CDC42BPB: variants seen among roughly 807,000 people sequenced by gnomAD.
CDC42BPB encodes CDC42 binding protein kinase beta, also known as serine/threonine-protein kinase MRCK beta.
In CDC42BPB, 37 loss-of-function variants were observed where a neutral mutation model predicts 214.9. The ratio of observed to expected loss-of-function variants is 0.17; its 90% CI spans 0.13 to 0.23. The LOEUF (loss-of-function observed/expected upper bound fraction) is 0.23, where lower values mean the gene tolerates loss of function less well. Ranked by LOEUF, CDC42BPB falls within the 10% of genes least tolerant of loss-of-function variation. CDC42BPB has a pLI of 1.00. For synonymous variants in CDC42BPB, 931 were observed against 884.0 expected, an observed-to-expected ratio of 1.05 and a Z score of -0.94; for missense variants, 1,694 against 2,227.0, an observed-to-expected ratio of 0.76 and a Z score of 4.82.
At chr14:102,934,993 T>C (rs1891582090) in intron 36 of CDC42BPB, among the ~76,000 whole-genome samples, 1 of 142,964 alleles carries the variant, frequency 7.0e-6, no homozygotes, top group African/African-American at 2.6e-5. Context: ...CTGGGCTACA[T>C]GTAGAGTGAG....
chr14:102,953,315 C>A (rs1402612206), intron 23 of CDC42BPB, among the ~76,000 whole-genome samples: 1 of 152,238 alleles, frequency 6.6e-6, no homozygotes, highest in Non-Finnish European at 1.5e-5. Flanking sequence ...GGCAGGGAGG[C>A]CGTGGGGCGG....
intron 12 of CDC42BPB, among the ~76,000 whole-genome samples, chr14:102,973,039 G>C (rs1156690877): frequency 6.6e-6 from 1 of 152,168 alleles, no homozygotes; most frequent in South Asian, 2.1e-4. Context: ...TGACCTCCCT[G>C]CAGCCAATCT....
chr14:103,006,403 G>A (rs752109499), intron 3 of CDC42BPB, among the ~76,000 whole-genome samples: 4 of 152,244 alleles, frequency 2.6e-5, no homozygotes, highest in Non-Finnish European at 5.9e-5. Flanking sequence ...GCTGCCCAGA[G>A]CATTTAGGAA....
In CDC42BPB at chr14:102,944,619, C is replaced by T; in HGVS notation, c.3812-132G>A. On this transcript the variant is annotated intron_variant, in intron 29 of 36. Transcript: ENST00000361246. This position sits in a 1 kb window ranked among gnomAD's most constrained non-coding sequence, Gnocchi z 6.6. ...TGGGCTCCCTTCCTGTGTGCACAGC[C>T]TGAGCCCGGCCCTGAGCCCGTCTCT... The T allele has an allele frequency of 6.9e-7, 1 of 1,457,476 alleles. No individual in the cohort carries two copies. Among genetic ancestry groups the T allele is most frequent in the South Asian group, 1.5e-5 (1 of 67,092 alleles). 90.3% of individuals were successfully genotyped at this position (1,457,476 alleles called of 1,614,324 possible).
Position 102,972,232 on chromosome 14 carries a change from C to T in CDC42BPB, c.1642-71G>A, listed in dbSNP as rs1595480959. ...CTTGGAAGGCTGGAGGTTCGGTCTT[C>T]CATGATATTGAGGAGTTAAAAGCGA... On this transcript the variant is annotated intron_variant, in intron 12 of 36. Transcript: ENST00000361246. 3 of 1,580,572 alleles carry T rather than the reference C, an allele frequency of 1.9e-6. No individual in the cohort carries two copies. In the East Asian group the frequency reaches 6.7e-5, roughly 35 times the overall value.
chr14:102,998,489 G>A (rs1894839382), intron 5 of CDC42BPB, among the ~76,000 whole-genome samples: 1 of 152,182 alleles, frequency 6.6e-6, no homozygotes, highest in African/African-American at 2.4e-5. Flanking sequence ...AAAAATACAA[G>A]TAAAACTAGT....
intron 1 of CDC42BPB, among the ~76,000 whole-genome samples, chr14:103,045,092 A>G (rs1394123062): frequency 1.3e-5 from 2 of 151,942 alleles, no homozygotes; most frequent in African/African-American, 2.4e-5. Flanking sequence ...TCGGCTCACC[A>G]GTTTTTTAAA....
At chr14:102,951,209 C>G (rs1566851484) in intron 24 of CDC42BPB, among the ~76,000 whole-genome samples, 1 of 152,160 alleles carries the variant, frequency 6.6e-6, no homozygotes. Flanking sequence ...CAATTCAGGC[C>G]AGCGGTCATG....
intron 2 of CDC42BPB, among the ~76,000 whole-genome samples, chr14:103,010,909 G>A (rs1297438308): frequency 6.6e-6 from 1 of 152,148 alleles, no homozygotes; most frequent in African/African-American, 2.4e-5. Flanking sequence ...GGGCACCTGT[G>A]GTCCCAGCTA....
chr14:102,963,228 G>A, intron 19 of CDC42BPB, 73 bp from the exon 20 acceptor site: 1 of 1,529,282 alleles, frequency 6.5e-7, no homozygotes, highest in Non-Finnish European at 8.7e-7. Context: ...GGCAGGTCAG[G>A]ATGAGAGAGC....
chr14:103,033,203 C>A (rs911891666), intron 1 of CDC42BPB, among the ~76,000 whole-genome samples: 1 of 151,852 alleles, frequency 6.6e-6, no homozygotes, highest in African/African-American at 2.4e-5. Context: ...ATATGCTCTA[C>A]CTCTTTTTGT....
chr14:102,971,527 C>T (rs912379337), intron 13 of CDC42BPB, among the ~76,000 whole-genome samples: 24 of 152,186 alleles, frequency 1.6e-4, no homozygotes, highest in East Asian at 3.9e-4. Context: ...CTAAACTCAA[C>T]GATCCATCTA....
At position 102,943,772 on chromosome 14, in the gene CDC42BPB, G is replaced by C. The variant is rs1440381377; in HGVS notation, c.4408+119C>G. ...GGCTGGCATGGGGCCCACCTCTCCC[G>C]ATGCTCTGTGACTACTCAACTAAGG... On this transcript the variant is annotated intron_variant, in intron 30 of 36. Coordinates refer to ENST00000361246, the MANE Select transcript of CDC42BPB (RefSeq NM_006035.4). The surrounding 1 kb of genome is among the most constrained non-coding windows in gnomAD (Gnocchi z 4.6). 7 of 876,648 alleles carry C rather than the reference G, an allele frequency of 8.0e-6. No individual in the cohort carries two copies. In the South Asian group the frequency reaches 1.2e-4, roughly 15 times the overall value. The allele number at this position is 876,648 out of a possible 1,614,324, so 54.3% of individuals were successfully genotyped here.
Position 102,980,780 on chromosome 14 carries a change from C to T in CDC42BPB, c.1133G>A (p.Arg378Lys). 1 of 1,614,066 alleles carries T rather than the reference C, an allele frequency of 6.2e-7. No individual in the cohort carries two copies. Among genetic ancestry groups the T allele is most frequent in the Non-Finnish European group, 8.5e-7 (1 of 1,179,924 alleles). Reference protein sequence around the residue: ...SNFDVDDDVLRNTEILPPGSH... With the variant: ...SNFDVDDDVLKNTEILPPGSH... ...CGGTGCTTTCACACTCACCGTGTTTCTCAGCACGTCGTCATCCACGTCGAA... is the reference window on the plus strand; with the variant it reads ...CGGTGCTTTCACACTCACCGTGTTTTTCAGCACGTCGTCATCCACGTCGAA... Residue 378 changes from arginine (R) to lysine (K), a missense_variant, in exon 8 of 37, where the codon AGA becomes AAA. Physicochemically the swap from Arg to Lys is conservative, Grantham distance 26 (BLOSUM62 2). This residue lies in a region of CDC42BPB where 225 missense variants were observed against 459.3 expected (regional missense o/e 0.49). Transcript: ENST00000361246.
chr14:103,033,236 T>C (rs1036363115), intron 1 of CDC42BPB, among the ~76,000 whole-genome samples: 2 of 152,116 alleles, frequency 1.3e-5, no homozygotes, highest in Non-Finnish European at 2.9e-5. Flanking sequence ...TTTTTGTTTG[T>C]TTTGAGACGG....
intron 1 of CDC42BPB, among the ~76,000 whole-genome samples, chr14:103,052,928 G>A (rs1403160161): frequency 6.6e-6 from 1 of 152,226 alleles, no homozygotes; most frequent in Non-Finnish European, 1.5e-5. Context: ...ATATGACAAA[G>A]ATGAAAGACA....
chr14:103,009,120 C>G (rs985275452), intron 2 of CDC42BPB, among the ~76,000 whole-genome samples: 1 of 152,232 alleles, frequency 6.6e-6, no homozygotes, highest in African/African-American at 2.4e-5. Context: ...CTCAGCACTT[C>G]CTGTAAGCTA....
At chr14:102,973,668 T>A (rs1480676323) in intron 12 of CDC42BPB, among the ~76,000 whole-genome samples, 1 of 152,196 alleles carries the variant, frequency 6.6e-6, no homozygotes, top group African/African-American at 2.4e-5. Context: ...ACGGCCACCA[T>A]GCCCTATCGA....
chr14:102,946,661 T>C lies in CDC42BPB; in HGVS notation c.3555A>G (p.Ala1185=). 2 of 1,612,712 alleles carry C rather than the reference T, an allele frequency of 1.2e-6. No homozygotes were observed. Among genetic ancestry groups the C allele is most frequent in the Non-Finnish European group, 1.7e-6 (2 of 1,179,922 alleles). ...IFRVTASLLG[A]PSKTSSLLIL... ...TGAGCAGCGAGCTGGTCTTAGAAGG[T>C]GCACCTAAGAGAGAGGCCGTCACCT... Residue 1185 remains alanine, a synonymous_variant, in exon 28 of 37, where the codon GCA becomes GCG. Transcript: ENST00000361246.
Sources: allele counts gnomAD v4.1 joint callset (sites outside exome capture counted in the v4.1 genomes callset), GRCh38; gene constraint gnomAD v4.1.1; regional missense constraint gnomAD v4.1.1; non-coding constraint Gnocchi (gnomAD v3.1); transcripts MANE v1.5; gene names NCBI Gene and HGNC (gene_info 2026-07-23, HGNC 2026-07-21).